The following BDKRB2 variants were observed in gnomAD, a reference collection of about 807,000 sequenced individuals.
BDKRB2 encodes bradykinin receptor B2.
BDKRB2 carries 6 observed loss-of-function variants against 4.0 expected under a neutral mutation model. The observed-to-expected ratio is 1.49, with a 90% CI of 0.81 to 2.93. The LOEUF is 2.93. BDKRB2 is among the 30% of genes most tolerant of loss of function. The pLI is 0.00. For missense variants in BDKRB2, 478 were observed against 520.1 expected, an observed-to-expected ratio of 0.92 and a Z score of 0.79; for synonymous variants, 225 against 215.3, an observed-to-expected ratio of 1.05 and a Z score of -0.40.
chr14:96,208,008 G>A (rs534350853), intron 1 of BDKRB2, among the ~76,000 whole-genome samples: 5 of 152,296 alleles, frequency 3.3e-5, no homozygotes, highest in African/African-American at 7.2e-5. Context: ...GCGAGGCAGC[G>A]CATTCCATCT....
chr14:96,219,171 A>G (rs1034854113), intron 1 of BDKRB2, among the ~76,000 whole-genome samples: 2 of 150,588 alleles, frequency 1.3e-5, no homozygotes, highest in Non-Finnish European at 3.0e-5. Flanking sequence ...GCGTGGTAGC[A>G]TGCTGCTGTA....
intron 1 of BDKRB2, among the ~76,000 whole-genome samples, chr14:96,226,460 C>A (rs182095300): frequency 6.6e-6 from 1 of 152,076 alleles, no homozygotes. Flanking sequence ...TCGAGACCAG[C>A]CTGACCAACA....
intron 1 of BDKRB2, among the ~76,000 whole-genome samples, chr14:96,213,548 GT>G (rs1890352487): frequency 6.7e-6 from 1 of 149,358 alleles, no homozygotes; most frequent in African/African-American, 2.5e-5. Flanking sequence ...ACACACACAA[GT>G]TGCTTCTTTG....
chr14:96,215,716 C>T (rs558469107), intron 1 of BDKRB2, among the ~76,000 whole-genome samples: 3 of 152,230 alleles, frequency 2.0e-5, no homozygotes, highest in East Asian at 3.9e-4. Context: ...GAATCAGAAA[C>T]AGGAAGAAAA....
intron 1 of BDKRB2, among the ~76,000 whole-genome samples, chr14:96,228,358 G>A (rs1295465049): frequency 6.6e-6 from 1 of 152,088 alleles, no homozygotes; most frequent in Non-Finnish European, 1.5e-5. Context: ...CTGCCCTCTT[G>A]GTACCTGGGT....
chr14:96,230,547 A>G (rs1249673208), intron 1 of BDKRB2, among the ~76,000 whole-genome samples: 1 of 151,456 alleles, frequency 6.6e-6, no homozygotes, highest in Admixed American at 6.6e-5. Context: ...GGCGCCCGCC[A>G]CCACACCCAG....
At position 96,204,870 on chromosome 14, in the gene BDKRB2, GGGTGGGGAC is replaced by G. The variant is rs71103505; in HGVS notation, c.-110_-102del. 0.5 allele frequency: 171,693 copies of G among 344,246 alleles called. 46,554 individuals are homozygous for G. The highest frequency in any genetic ancestry group is 0.97 in the East Asian group (7,451 of 7,644). 21.3% of individuals were successfully genotyped at this position (344,246 alleles called of 1,614,324 possible). A position where few individuals can be genotyped will look rare whatever the true frequency, so the allele number is the denominator to read the frequency against. ...GCTCTGGCTTCTGGGCTCCGAGGAGGGGTGGGGACGGTGGGGACGGTGGGGACATCAGGC... is the reference window on the plus strand; with the variant it reads ...GCTCTGGCTTCTGGGCTCCGAGGAGGGGTGGGGACGGTGGGGACATCAGGC... On this transcript the variant is annotated 5_prime_UTR_variant, in exon 1 of 3. Coordinates refer to ENST00000554311, the MANE Select transcript of BDKRB2 (RefSeq NM_001379692.1).
At chr14:96,207,062 AC>A (rs1192548543) in intron 1 of BDKRB2, among the ~76,000 whole-genome samples, 2 of 152,012 alleles carry the variant, frequency 1.3e-5, no homozygotes, top group African/African-American at 4.8e-5. Flanking sequence ...CAGAAGTCTC[AC>A]CTTTTAATAT....
chr14:96,216,016 C>T (rs7155797), intron 1 of BDKRB2, among the ~76,000 whole-genome samples: 22,553 of 152,194 alleles, frequency 0.15, 3,123 homozygotes, highest in East Asian at 0.46. Context: ...CTGCCAGACA[C>T]AGGCCTGCAG....
chr14:96,222,815 T>TTAAAA (rs1205629268), intron 1 of BDKRB2, among the ~76,000 whole-genome samples: 3 of 152,116 alleles, frequency 2.0e-5, no homozygotes, highest in African/African-American at 7.3e-5. Flanking sequence ...TGATTACATA[T>TTAAAA]TAAAATAATG....
rs1885248151 is a variant in BDKRB2, at chr14:96,240,508, G to A, written c.180G>A (p.Gln60=). 3.8e-6 allele frequency: 6 copies of A among 1,572,774 alleles called. No homozygotes were observed. Among genetic ancestry groups the A allele is most frequent in the African/African-American group, 1.4e-5 (1 of 73,722 alleles). ...VEWLGWLNTI[Q]PPFLWVLFVL... is the part of the protein sequence containing the mutation. The stretch of plus-strand genomic sequence containing the variant: ...GGCTGGGCTGGCTCAACACCATCCA[G>A]CCCCCCTTCCTCTGGGTGCTGTTCG... The change falls in exon 3 of 3, where the codon CAG becomes CAA. Residue 60 remains glutamine (Q), a synonymous_variant. Transcript: ENST00000554311.
At chr14:96,224,094 A>G (rs1890640199) in intron 1 of BDKRB2, among the ~76,000 whole-genome samples, 1 of 151,300 alleles carries the variant, frequency 6.6e-6, no homozygotes, top group Admixed American at 6.6e-5. Context: ...ATAGTGAAAT[A>G]TTTACAGATG....
chr14:96,239,062 T>A (rs1020190201), intron 2 of BDKRB2: 4 of 985,348 alleles, frequency 4.1e-6, no homozygotes, highest in Non-Finnish European at 4.8e-6. Flanking sequence ...CCAGAGGTGA[T>A]GATCAGTATC....
chr14:96,239,568 A>G (rs1015941001), intron 2 of BDKRB2: 1 of 985,398 alleles, frequency 1.0e-6, no homozygotes, highest in African/African-American at 1.7e-5. Context: ...GGTTATTTTA[A>G]TGGGTTTGCA....
intron 2 of BDKRB2, 146 bp from the exon 3 acceptor site, chr14:96,240,257 C>CGCG (rs1166165667): frequency 5.8e-5 from 77 of 1,333,130 alleles, no homozygotes; most frequent in Non-Finnish European, 7.0e-5. Flanking sequence ...TGCACTGGAG[C>CGCG]GCGGGCTGCA....
At chr14:96,237,234 C>A in intron 2 of BDKRB2, 53 bp downstream of exon 2, 5 of 1,492,086 alleles carry the variant, frequency 3.4e-6, no homozygotes, top group Non-Finnish European at 4.7e-6. Context: ...GGCAGACACC[C>A]TGGAGAACTC....
chr14:96,213,216 G>A (rs1441791402), intron 1 of BDKRB2, among the ~76,000 whole-genome samples: 5 of 152,166 alleles, frequency 3.3e-5, no homozygotes, highest in Non-Finnish European at 7.3e-5. Flanking sequence ...TCAGGAAGCT[G>A]GTTTATTCCT....
chr14:96,216,791 GGAAGTAGGAGAAGAA>G (rs1890437286), intron 1 of BDKRB2, among the ~76,000 whole-genome samples: 1 of 142,192 alleles, frequency 7.0e-6, no homozygotes, highest in Non-Finnish European at 1.5e-5. Context: ...AGGAGGAGGA[GGAAGTAGGAGAAGAA>G]GAAGGAGGAG....
Position 96,242,030 on chromosome 14 carries a change from G to A in BDKRB2, c.*526G>A, listed in dbSNP as rs565175197. The A allele has an allele frequency of 1.3e-5, 2 of 153,310 alleles. No homozygotes were observed. The highest frequency in any genetic ancestry group is 2.4e-5 in the African/African-American group (1 of 41,594). The allele number at this position is 153,310 out of a possible 1,614,324, so 9.5% of individuals were successfully genotyped here. A position where few individuals can be genotyped will look rare whatever the true frequency, so the allele number is the denominator to read the frequency against. On this transcript the variant is annotated 3_prime_UTR_variant, in exon 3 of 3. Transcript: ENST00000554311. ...GAGGGGTCCCTGATAACAACCTGGAGACCAGGATTTTATGGCTCCCCTCAC... is the reference window on the plus strand; with the variant it reads ...GAGGGGTCCCTGATAACAACCTGGAAACCAGGATTTTATGGCTCCCCTCAC...
Sources: gnomAD v4.1 joint callset for allele counts (sites outside exome capture counted in the v4.1 genomes callset) on GRCh38, gnomAD v4.1.1 for gene constraint, MANE v1.5 for transcripts, NCBI Gene and HGNC (gene_info 2026-07-23, HGNC 2026-07-21) for gene names.